Variants in AATK observed in about 807,000 individuals in gnomAD.
The protein encoded by AATK is lemur tail kinase 1, also known as serine/threonine-protein kinase LMTK1.
AATK carries 91 observed loss-of-function variants against 114.3 expected under a neutral mutation model. The observed-to-expected ratio is 0.80, with a 90% CI of 0.67 to 0.95. The LOEUF is 0.95. Among genes scored for constraint, AATK ranks in the 40% least tolerant of loss-of-function variants. AATK has a pLI of 0.00. For missense variants in AATK, 2,176 were observed against 1,965.2 expected (o/e 1.11, Z -2.03); for synonymous variants, 1,075 against 916.5 (o/e 1.17, Z -3.12).
intron 1 of AATK, among the ~76,000 whole-genome samples, chr17:81,139,818 G>A (rs1478824872): frequency 2.6e-5 from 4 of 152,344 alleles, no homozygotes; most frequent in African/African-American, 9.6e-5. Context: ...ATGTGAGCCT[G>A]CAGTGGATAC....
intron 1 of AATK, among the ~76,000 whole-genome samples, chr17:81,158,176 G>A (rs1244502268): frequency 1.3e-5 from 2 of 152,212 alleles, no homozygotes; most frequent in Non-Finnish European, 2.9e-5. Flanking sequence ...AGTCTGACGC[G>A]CTAGTTCAGG....
At chr17:81,132,825 C>T in intron 2 of AATK, 1 of 230,386 alleles carries the variant, frequency 4.3e-6, no homozygotes, top group African/African-American at 2.3e-5. Context: ...CAGGACTTCC[C>T]AGGGGCACAC....
Position 81,166,012 on chromosome 17 carries a change from G to A in AATK, c.-20C>T, listed in dbSNP as rs1432366522. 1.3e-6 allele frequency: 2 copies of A among 1,544,160 alleles called. No individual in the cohort carries two copies. The highest frequency in any genetic ancestry group is 1.2e-5 in the South Asian group (1 of 82,806). ...CGACATGGCCGGGCCAGCGGCCGGCGGGCATCCCGGGAGGGCGCTGCGCTC... is the reference window on the plus strand; with the variant it reads ...CGACATGGCCGGGCCAGCGGCCGGCAGGCATCCCGGGAGGGCGCTGCGCTC... On this transcript the variant is annotated 5_prime_UTR_variant, in exon 1 of 14. Transcript: ENST00000326724.
chr17:81,134,448 C>T lies in AATK; in HGVS notation c.109G>A (p.Val37Met). ...ACGGCGAAGAGCCCGGAGAAAGACA[C>T]AGCCACCACGGCGAGGGAGGATGGC... ...SWPSSLAVVA[V>M]SFSGLFAVIV... Residue 37 changes from valine (V) to methionine (M), a missense_variant, in exon 2 of 14, where the codon GTG becomes ATG. Val to Met is a conservative substitution (Grantham distance 21). Around this residue, in one of 4 missense-constraint regions of AATK, gnomAD observed 178 missense variants for 175.4 expected, o/e 1.01. Coordinates refer to ENST00000326724, the MANE Select transcript of AATK (RefSeq NM_001080395.3). The T allele has an allele frequency of 5.6e-6, 9 of 1,613,258 alleles. No homozygotes were observed. Among genetic ancestry groups the T allele is most frequent in the Non-Finnish European group, 6.8e-6 (8 of 1,179,794 alleles).
chr17:81,135,316 G>T (rs972276090), intron 1 of AATK, among the ~76,000 whole-genome samples: 2 of 152,168 alleles, frequency 1.3e-5, no homozygotes, highest in African/African-American at 4.8e-5. Context: ...GCATGGTGGG[G>T]GCCAGCCTTG....
At position 81,154,480 on chromosome 17, in the gene AATK, C is replaced by T. The variant is rs367735748; in HGVS notation, c.55+11458G>A. 5.3e-5 allele frequency among the ~76,000 whole-genome samples: 8 copies of T among 151,534 alleles called. No individual in the cohort carries two copies. In the East Asian group the frequency reaches 1.2e-3, roughly 22 times the overall value. Reference sequence around the variant, plus strand: ...GGATTACAGGCGCCCACCACCATGCCCTGCTAATTTTTGGATTTTAGTAGA... The same window carrying T: ...GGATTACAGGCGCCCACCACCATGCTCTGCTAATTTTTGGATTTTAGTAGA... On this transcript the variant is annotated intron_variant, in intron 1 of 13. Transcript: ENST00000326724.
intron 8 of AATK, 21 bp from the exon 9 acceptor site, chr17:81,124,869 C>T: frequency 6.3e-7 from 1 of 1,592,902 alleles, no homozygotes; most frequent in Non-Finnish European, 8.5e-7. Context: ...AGGGACGGGT[C>T]ACCCCTGCCG....
intron 1 of AATK, among the ~76,000 whole-genome samples, chr17:81,140,151 G>T (rs2061100730): frequency 6.6e-6 from 1 of 152,196 alleles, no homozygotes; most frequent in African/African-American, 2.4e-5. Flanking sequence ...TAGCTGGGAT[G>T]ATGGGTGTGA....
At chr17:81,138,381 GCACACGTGCACACACACCCC>G (rs1405329213) in intron 1 of AATK, among the ~76,000 whole-genome samples, 2 of 122,180 alleles carry the variant, frequency 1.6e-5, no homozygotes, top group East Asian at 2.6e-4. Context: ...GGACACACGG[GCACACGTGCACACACACCCC>G]CACACGTGCG....
Position 81,120,200 on chromosome 17 carries a change from C to T in AATK, c.3735+1G>A. On this transcript the variant is annotated splice_donor_variant, in intron 11 of 13. Coordinates refer to ENST00000326724, the MANE Select transcript of AATK (RefSeq NM_001080395.3). LOFTEE classifies it high-confidence loss of function. ...GCAGACCCCGGGTGGCGGCGGCCCACCTGGTCAAAGAGGTAGACGGTGACG... is the reference window on the plus strand; with the variant it reads ...GCAGACCCCGGGTGGCGGCGGCCCATCTGGTCAAAGAGGTAGACGGTGACG... 1 of 1,565,396 alleles carries T rather than the reference C, an allele frequency of 6.4e-7. No homozygotes were observed. The highest frequency in any genetic ancestry group is 8.7e-7 in the Non-Finnish European group (1 of 1,149,010).
chr17:81,123,473 C>G (rs1295100738), intron 9 of AATK, 130 bp from the exon 10 acceptor site: 1 of 817,650 alleles, frequency 1.2e-6, no homozygotes, highest in Non-Finnish European at 1.7e-6. Flanking sequence ...GGCCTGGTAC[C>G]ATACCAGCCG....
chr17:81,128,111 C>T (rs1034677276), intron 4 of AATK, among the ~76,000 whole-genome samples: 2 of 151,634 alleles, frequency 1.3e-5, no homozygotes, highest in South Asian at 4.2e-4. Flanking sequence ...CTGAGTCTTT[C>T]GTGTTACTCT....
At chr17:81,123,930 G>A (rs2060742941) in intron 9 of AATK, among the ~76,000 whole-genome samples, 1 of 152,160 alleles carries the variant, frequency 6.6e-6, no homozygotes, top group African/African-American at 2.4e-5. Flanking sequence ...GAGGTGATTT[G>A]GCAAGACGTC....
At chr17:81,160,235 C>T in intron 1 of AATK, 1 of 984,862 alleles carries the variant, frequency 1.0e-6, no homozygotes, top group Non-Finnish European at 1.2e-6. Flanking sequence ...CCCCCACGTA[C>T]CAGGCTCTGG....
In AATK at chr17:81,126,419, G is replaced by A. The variant is rs544120475; in HGVS notation, c.755+8C>T. 31 of 1,557,438 alleles carry A rather than the reference G, an allele frequency of 2.0e-5. No individual in the cohort carries two copies. Among genetic ancestry groups the A allele is most frequent in the South Asian group, 1.2e-4 (10 of 84,506 alleles). Reference sequence around the variant, plus strand: ...GCTTCCCGGCCGCTGGCCCGCGCCCGCCCTCACCTGTGCACGAAATTGTTG... The same window carrying A: ...GCTTCCCGGCCGCTGGCCCGCGCCCACCCTCACCTGTGCACGAAATTGTTG... On this transcript the variant is annotated splice_region_variant and intron_variant, in intron 7 of 13. Transcript: ENST00000326724. The surrounding 1 kb of genome is among the most constrained non-coding windows in gnomAD (Gnocchi z 5.1).
intron 1 of AATK, among the ~76,000 whole-genome samples, chr17:81,147,900 G>A (rs1399451419): frequency 6.6e-6 from 1 of 152,124 alleles, no homozygotes; most frequent in Admixed American, 6.5e-5. Context: ...AGACAGATGT[G>A]CATATACATA....
chr17:81,156,131 TATGTTACTATGTTACAATGTATGTTATC>T (rs1472485303), intron 1 of AATK, among the ~76,000 whole-genome samples: 3 of 23,014 alleles, frequency 1.3e-4, no homozygotes, highest in Middle Eastern at 0.024. Context: ...TGTTACAATG[TATGTTACTATGTTACAATGTATGTTATC>T]ATGTTACAAT....
At chr17:81,150,385 T>C (rs970937055) in intron 1 of AATK, among the ~76,000 whole-genome samples, 73 of 41,084 alleles carry the variant, frequency 1.8e-3, no homozygotes, top group Non-Finnish European at 2.8e-3. Context: ...TCCCCCATCC[T>C]AGTGCTCCCA....
chr17:81,158,006 G>T (rs982164447), intron 1 of AATK, among the ~76,000 whole-genome samples: 11 of 152,352 alleles, frequency 7.2e-5, no homozygotes, highest in Admixed American at 1.3e-4. Context: ...CTCCCTCAGT[G>T]CTGGCTGGGC....
Sources: gnomAD v4.1 joint callset for allele counts (sites outside exome capture counted in the v4.1 genomes callset) on GRCh38, gnomAD v4.1.1 for gene constraint, gnomAD v4.1.1 regional missense constraint, Gnocchi (gnomAD v3.1) non-coding constraint, MANE v1.5 for transcripts, NCBI Gene and HGNC (gene_info 2026-07-23, HGNC 2026-07-21) for gene names.